The following GNAQ variants were observed in gnomAD, a reference collection of about 807,000 sequenced individuals.
GNAQ encodes the protein G protein subunit alpha q.
GNAQ carries 8 observed loss-of-function variants against 43.9 expected under a neutral mutation model. The observed-to-expected ratio is 0.18, with a 90% CI of 0.11 to 0.33. The LOEUF is 0.33. Among genes scored for constraint, GNAQ ranks in the 10% least tolerant of loss-of-function variants. The pLI is 1.00. For missense variants in GNAQ, 158 were observed against 450.8 expected (o/e 0.35, Z 5.88); for synonymous variants, 155 against 170.7 (o/e 0.91, Z 0.71).
At chr9:77,819,840 C>T (rs1193743014) in intron 2 of GNAQ, among the ~76,000 whole-genome samples, 3 of 149,080 alleles carry the variant, frequency 2.0e-5, no homozygotes, top group African/African-American at 7.4e-5. Flanking sequence ...AAAGGAAGTA[C>T]AGAGTGAAAT....
At chr9:77,910,460 C>A (rs2118209296) in intron 2 of GNAQ, among the ~76,000 whole-genome samples, 1 of 152,326 alleles carries the variant, frequency 6.6e-6, no homozygotes, top group African/African-American at 2.4e-5. Flanking sequence ...ACCAGCTTCA[C>A]AACTTCCTAC....
intron 1 of GNAQ, among the ~76,000 whole-genome samples, chr9:77,931,135 A>C (rs1829142879): frequency 6.7e-6 from 1 of 150,090 alleles, no homozygotes; most frequent in African/African-American, 2.4e-5. Flanking sequence ...AAATGGGAAG[A>C]GGGAACAGAA....
At chr9:77,889,984 A>G (rs2118104370) in intron 2 of GNAQ, among the ~76,000 whole-genome samples, 1 of 152,346 alleles carries the variant, frequency 6.6e-6, no homozygotes, top group Non-Finnish European at 1.5e-5. Context: ...TACTAAAAAC[A>G]AGTAAAACTA....
chr9:78,008,719 A>G (rs933741810), intron 1 of GNAQ, among the ~76,000 whole-genome samples: 1 of 152,158 alleles, frequency 6.6e-6, no homozygotes, highest in Admixed American at 6.5e-5. Context: ...CCTGGGTTCA[A>G]GCGATTCTCC....
At chr9:77,933,348 AAC>A (rs912122189) in intron 1 of GNAQ, among the ~76,000 whole-genome samples, 2 of 151,978 alleles carry the variant, frequency 1.3e-5, no homozygotes, top group African/African-American at 2.4e-5. Flanking sequence ...CAGACACACA[AAC>A]ACACACACAC....
intron 5 of GNAQ, among the ~76,000 whole-genome samples, chr9:77,736,749 T>G (rs2118245392): frequency 6.6e-6 from 1 of 151,354 alleles, no homozygotes; most frequent in African/African-American, 2.4e-5. Context: ...CAAAGGAGAG[T>G]AGAGAGCCAG....
intron 5 of GNAQ, among the ~76,000 whole-genome samples, chr9:77,745,597 G>T (rs955300772): frequency 2.6e-5 from 3 of 115,528 alleles, no homozygotes; most frequent in African/African-American, 1.0e-4. Flanking sequence ...GATTCAGCAG[G>T]TCATGCACAC....
chr9:77,916,174 A>G (rs1371619729), intron 2 of GNAQ, among the ~76,000 whole-genome samples: 1 of 152,178 alleles, frequency 6.6e-6, no homozygotes, highest in African/African-American at 2.4e-5. Flanking sequence ...CCATTTTCAG[A>G]TAAATTCATT....
intron 5 of GNAQ, among the ~76,000 whole-genome samples, chr9:77,746,375 T>C (rs1451223474): frequency 1.3e-5 from 2 of 152,000 alleles, no homozygotes; most frequent in African/African-American, 4.8e-5. Context: ...GGATGACAAA[T>C]GTATAAAATG....
In GNAQ at chr9:78,005,765, G is replaced by T. The variant is rs1220872529; in HGVS notation, c.136+25335C>A. 3.3e-5 allele frequency among the ~76,000 whole-genome samples: 5 copies of T among 152,100 alleles called. No homozygotes were observed. In the East Asian group the frequency reaches 9.7e-4, roughly 29 times the overall value. ...TAGAGGCCTTCAGCAGTTGATGATG[G>T]GTATGTGTTAGGCATCCCCACGACT... On this transcript the variant is annotated intron_variant, in intron 1 of 6. Coordinates refer to ENST00000286548, the MANE Select transcript of GNAQ (RefSeq NM_002072.5).
intron 1 of GNAQ, among the ~76,000 whole-genome samples, chr9:78,008,523 T>A (rs997921301): frequency 6.6e-6 from 1 of 152,248 alleles, no homozygotes; most frequent in Non-Finnish European, 1.5e-5. Context: ...CATTAAATAA[T>A]CATACATATA....
At chr9:77,808,799 T>C (rs1826868443) in intron 3 of GNAQ, among the ~76,000 whole-genome samples, 1 of 152,084 alleles carries the variant, frequency 6.6e-6, no homozygotes, top group Non-Finnish European at 1.5e-5. Flanking sequence ...CAGCTGGACC[T>C]TGACCTAATA....
chr9:77,727,220 A>G (rs1825411008), intron 6 of GNAQ, among the ~76,000 whole-genome samples: 1 of 151,630 alleles, frequency 6.6e-6, no homozygotes, highest in South Asian at 2.1e-4. Context: ...GTCTCGTTAC[A>G]TTGCCCAGGC....
At chr9:77,977,654 C>T (rs1461750274) in intron 1 of GNAQ, among the ~76,000 whole-genome samples, 3 of 152,164 alleles carry the variant, frequency 2.0e-5, no homozygotes, top group Non-Finnish European at 4.4e-5. Context: ...GAACAAGAAG[C>T]GGGGTTCTGC....
intron 2 of GNAQ, among the ~76,000 whole-genome samples, chr9:77,852,700 C>T (rs1827689872): frequency 6.6e-6 from 1 of 152,230 alleles, no homozygotes; most frequent in Admixed American, 6.5e-5. Flanking sequence ...TGTTTTATGT[C>T]CTTTGACACA....
In GNAQ at chr9:77,769,100, A is replaced by G. The variant is rs553844994; in HGVS notation, c.735+25363T>C. Among the ~76,000 whole-genome samples, 4 of 152,282 alleles carry G rather than the reference A, an allele frequency of 2.6e-5. No homozygotes were observed. In the East Asian group the frequency reaches 5.8e-4, roughly 22 times the overall value. The stretch of plus-strand genomic sequence containing the variant: ...GCACCTCATGTTAGACAGCTAAACA[A>G]CTGTTAGAAAAACAAATCGGCCTGG... On this transcript the variant is annotated intron_variant, in intron 5 of 6. Coordinates refer to ENST00000286548, the MANE Select transcript of GNAQ (RefSeq NM_002072.5).
intron 1 of GNAQ, among the ~76,000 whole-genome samples, chr9:77,926,490 T>C (rs1280129361): frequency 2.6e-5 from 4 of 152,114 alleles, no homozygotes; most frequent in African/African-American, 9.7e-5. Context: ...CATAGGGCAA[T>C]GAAAAGCACA....
At chr9:77,909,150 T>C (rs1828758134) in intron 2 of GNAQ, among the ~76,000 whole-genome samples, 1 of 152,166 alleles carries the variant, frequency 6.6e-6, no homozygotes, top group Non-Finnish European at 1.5e-5. Flanking sequence ...TGCACAACAC[T>C]GATACACGCC....
intron 1 of GNAQ, among the ~76,000 whole-genome samples, chr9:77,933,992 G>A (rs990763392): frequency 3.7e-4 from 56 of 152,176 alleles, no homozygotes; most frequent in Admixed American, 2.4e-3. Flanking sequence ...AACAGCTCAT[G>A]TGGCCCTCCT....
Sources: allele counts gnomAD v4.1 joint callset (sites outside exome capture counted in the v4.1 genomes callset), GRCh38; gene constraint gnomAD v4.1.1; transcripts MANE v1.5; gene names NCBI Gene and HGNC (gene_info 2026-07-23, HGNC 2026-07-21).